MKKS: variants seen among roughly 807,000 people sequenced by gnomAD.
The protein encoded by MKKS is MKKS centrosomal shuttling protein.
In MKKS, 29 loss-of-function variants were observed where a neutral mutation model predicts 33.2. That is an observed-to-expected ratio of 0.87 (90% confidence interval 0.65 to 1.19). The LOEUF (loss-of-function observed/expected upper bound fraction) is 1.19. Ranked by LOEUF, MKKS falls within the 50% of genes most tolerant of loss-of-function variation. MKKS has a pLI of 0.00. For synonymous variants in MKKS, 260 were observed against 244.0 expected (o/e 1.07, Z -0.61); for missense variants, 661 against 662.3 (o/e 1.00, Z 0.02).
chr20:10,427,029 G>GACACACACACAGTCACAC (rs1226255722), intron 1 of MKKS, among the ~76,000 whole-genome samples: 1 of 130,724 alleles, frequency 7.6e-6, no homozygotes, highest in Non-Finnish European at 1.6e-5. Context: ...AGAAAACACT[G>GACACACACACAGTCACAC]ACACACACAC....
chr20:10,427,427 T>TA (rs763103716), intron 1 of MKKS, among the ~76,000 whole-genome samples: 8 of 152,218 alleles, frequency 5.3e-5, no homozygotes, highest in Non-Finnish European at 1.0e-4. Flanking sequence ...GATAGAATAT[T>TA]AAAAACCAAT....
intron 1 of MKKS, among the ~76,000 whole-genome samples, chr20:10,430,063 C>T (rs1484054788): frequency 6.6e-6 from 1 of 152,166 alleles, no homozygotes; most frequent in East Asian, 1.9e-4. Flanking sequence ...AAAAACAAAT[C>T]TGGTTGTATT....
chr20:10,417,547 G>C (rs912478851), intron 2 of MKKS, among the ~76,000 whole-genome samples: 1 of 152,150 alleles, frequency 6.6e-6, no homozygotes, highest in Non-Finnish European at 1.5e-5. Flanking sequence ...AGAGTTTGAG[G>C]CTGCAGTGAG....
chr20:10,419,302 A>C (rs1158924491), intron 2 of MKKS, among the ~76,000 whole-genome samples: 6 of 152,180 alleles, frequency 3.9e-5, no homozygotes, highest in Admixed American at 3.9e-4. Flanking sequence ...GGGCCAGATG[A>C]GTTTCATAAT....
chr20:10,412,390 A>G, intron 3 of MKKS, 140 bp downstream of exon 3: 1 of 861,702 alleles, frequency 1.2e-6, no homozygotes, highest in East Asian at 2.4e-5. Flanking sequence ...TTTTCCAGAA[A>G]CCTTTGCTGC....
chr20:10,429,078 A>G (rs946807805), intron 1 of MKKS, among the ~76,000 whole-genome samples: 2 of 152,102 alleles, frequency 1.3e-5, no homozygotes, highest in South Asian at 4.1e-4. Context: ...GCCCTTTACC[A>G]TCTTCCTTCC....
At chr20:10,427,755 C>G (rs2065026093) in intron 1 of MKKS, among the ~76,000 whole-genome samples, 1 of 152,160 alleles carries the variant, frequency 6.6e-6, no homozygotes, top group Non-Finnish European at 1.5e-5. Flanking sequence ...ACTCATTTTG[C>G]TGGACTTCTC....
intron 2 of MKKS, among the ~76,000 whole-genome samples, chr20:10,418,365 C>T (rs976794038): frequency 1.3e-5 from 2 of 152,058 alleles, no homozygotes; most frequent in African/African-American, 4.8e-5. Context: ...CTTGAGGGCT[C>T]AATATACTAT....
At chr20:10,408,938 T>TA in intron 3 of MKKS, 135 bp from the exon 4 acceptor site, 1 of 651,978 alleles carries the variant, frequency 1.5e-6, no homozygotes, top group Non-Finnish European at 2.6e-6. Flanking sequence ...ACAGGATAAA[T>TA]AAGATGAATA....
chr20:10,407,705 G>A lies in MKKS; in HGVS notation c.1183C>T (p.His395Tyr). 1.2e-6 allele frequency: 2 copies of A among 1,613,906 alleles called. No homozygotes were observed. The highest frequency in any genetic ancestry group is 1.7e-6 in the Non-Finnish European group (2 of 1,179,868). Residue 395 changes from histidine to tyrosine, a missense_variant, in exon 5 of 6, where the codon CAT becomes TAT. By Grantham distance (83) the His-to-Tyr change is moderately conservative (BLOSUM62 2). Coordinates refer to ENST00000347364, the MANE Select transcript of MKKS (RefSeq NM_170784.3). ...TCCTTGAGTGTTAACTGCAGGACAT[G>A]CAGTGCCGTCTGACACGTGAGCTAA... The part of the protein sequence containing the change: ...ELKLTCQTAL[H>Y]VLQLTLKEPW...
intron 1 of MKKS, among the ~76,000 whole-genome samples, chr20:10,421,182 C>A (rs1487259205): frequency 6.6e-6 from 1 of 152,096 alleles, no homozygotes. Flanking sequence ...GTATTCCCAG[C>A]ACTTTGGGAG....
At chr20:10,417,544 G>A (rs2064948375) in intron 2 of MKKS, among the ~76,000 whole-genome samples, 1 of 152,200 alleles carries the variant, frequency 6.6e-6, no homozygotes, top group African/African-American at 2.4e-5. Context: ...CCAAGAGTTT[G>A]AGGCTGCAGT....
chr20:10,405,354 T>C lies in MKKS; in HGVS notation c.1606A>G (p.Asn536Asp), dbSNP rs1309710762. 2 of 1,614,238 alleles carry C rather than the reference T, an allele frequency of 1.2e-6. No individual in the cohort carries two copies. Among genetic ancestry groups the C allele is most frequent in the Non-Finnish European group, 8.5e-7 (1 of 1,180,036 alleles). ...LPHEAVGSASNLTLDCLTAKL... is the reference protein window; with the variant it reads ...LPHEAVGSASDLTLDCLTAKL... The stretch of plus-strand genomic sequence containing the variant: ...GCAGTCAAACAGTCCAAGGTCAGGT[T>C]GCTGGCTGAGCCCACAGCTTCATGT... Residue 536 changes from asparagine (N) to aspartate (D), a missense_variant, in exon 6 of 6, where the codon AAC becomes GAC. By Grantham distance (23) the Asn-to-Asp change is conservative. Transcript: ENST00000347364.
intron 1 of MKKS, among the ~76,000 whole-genome samples, chr20:10,430,658 G>T (rs184963147): frequency 2.0e-4 from 30 of 152,298 alleles, no homozygotes; most frequent in African/African-American, 7.0e-4. Context: ...TTTGGGGTTT[G>T]ACTAGGGTAG....
intron 1 of MKKS, among the ~76,000 whole-genome samples, chr20:10,427,063 C>CACACACACACAA (rs1175583833): frequency 8.9e-5 from 13 of 145,394 alleles, no homozygotes; most frequent in African/African-American, 3.0e-4. Context: ...CACACACACA[C>CACACACACACAA]ACACACACAC....
rs796749856 is a variant in MKKS, at chr20:10,423,750, T to C, written c.-648-2992A>G. Among the ~76,000 whole-genome samples the C allele has an allele frequency of 5.3e-5, 8 of 152,330 alleles. 1 individual carries two copies. The highest frequency in any genetic ancestry group is 1.7e-4 in the African/African-American group (7 of 41,582). ...CTTAACAGTCTATTACTCTTTCCATTAGGATAACTTAAGGATCGATGAATC... is the reference window on the plus strand; with the variant it reads ...CTTAACAGTCTATTACTCTTTCCATCAGGATAACTTAAGGATCGATGAATC... On this transcript the variant is annotated intron_variant, in intron 1 of 5. Coordinates refer to ENST00000347364, the MANE Select transcript of MKKS (RefSeq NM_170784.3).
chr20:10,410,351 C>T (rs1264333196), intron 3 of MKKS, among the ~76,000 whole-genome samples: 1 of 152,128 alleles, frequency 6.6e-6, no homozygotes, highest in African/African-American at 2.4e-5. Flanking sequence ...ATGCTCCAGG[C>T]CGGGCGTGGT....
At chr20:10,421,879 C>T (rs1271685441) in intron 1 of MKKS, among the ~76,000 whole-genome samples, 3 of 151,942 alleles carry the variant, frequency 2.0e-5, no homozygotes, top group Non-Finnish European at 2.9e-5. Context: ...ATCTGGACAA[C>T]CTCTAAAGAC....
intron 1 of MKKS, among the ~76,000 whole-genome samples, chr20:10,424,778 A>G (rs1041077878): frequency 1.3e-5 from 2 of 152,110 alleles, no homozygotes; most frequent in Non-Finnish European, 2.9e-5. Flanking sequence ...AGAGCAGGGC[A>G]CGGTGGCTCA....
Sources: gnomAD v4.1 joint callset for allele counts (sites outside exome capture counted in the v4.1 genomes callset) on GRCh38, gnomAD v4.1.1 for gene constraint, MANE v1.5 for transcripts, NCBI Gene and HGNC (gene_info 2026-07-23, HGNC 2026-07-21) for gene names.